The following MICU2 variants were observed in gnomAD, a reference collection of about 807,000 sequenced individuals.
MICU2 encodes calcium uptake protein 2, mitochondrial.
MICU2 carries 64 observed loss-of-function variants against 60.4 expected under a neutral mutation model. That is an observed-to-expected ratio of 1.06 (90% CI 0.87 to 1.31). MICU2 has a LOEUF of 1.31. Ranked by LOEUF, MICU2 falls within the 50% of genes most tolerant of loss-of-function variation. The pLI is 0.00. For missense variants in MICU2, 569 were observed against 531.0 expected (o/e 1.07, Z -0.70); for synonymous variants, 201 against 175.0 (o/e 1.15, Z -1.17).
intron 1 of MICU2, among the ~76,000 whole-genome samples, chr13:21,578,347 G>A (rs1204545729): frequency 6.6e-6 from 1 of 152,198 alleles, no homozygotes; most frequent in Non-Finnish European, 1.5e-5. Context: ...AGCACTTTGG[G>A]AGGCTGAGGC....
At chr13:21,572,333 C>T (rs1888130107) in intron 1 of MICU2, among the ~76,000 whole-genome samples, 1 of 152,270 alleles carries the variant, frequency 6.6e-6, no homozygotes, top group South Asian at 2.1e-4. Flanking sequence ...AGTATTTATA[C>T]ATTTCCTTAA....
intron 1 of MICU2, among the ~76,000 whole-genome samples, chr13:21,578,594 C>G (rs1017073419): frequency 6.7e-6 from 1 of 149,470 alleles, no homozygotes; most frequent in Non-Finnish European, 1.5e-5. Context: ...GAGACCACAT[C>G]TCAAAAAAAA....
At chr13:21,496,258 T>G in intron 9 of MICU2, 98 bp from the exon 10 acceptor site, 1 of 858,786 alleles carries the variant, frequency 1.2e-6, no homozygotes, top group South Asian at 1.7e-5. Flanking sequence ...GAGACTAGTA[T>G]CATTCTAAGA....
intron 8 of MICU2, among the ~76,000 whole-genome samples, chr13:21,505,595 C>A (rs988644864): frequency 6.6e-6 from 1 of 151,964 alleles, no homozygotes; most frequent in Admixed American, 6.6e-5. Context: ...AAAAAAAAAT[C>A]AGAAAAGAAG....
At chr13:21,583,693 A>C (rs1204712639) in intron 1 of MICU2, among the ~76,000 whole-genome samples, 1 of 152,236 alleles carries the variant, frequency 6.6e-6, no homozygotes, top group African/African-American at 2.4e-5. Context: ...CATCACCGAA[A>C]GAGCAGTTCC....
intron 2 of MICU2, among the ~76,000 whole-genome samples, chr13:21,546,722 T>C (rs1185480726): frequency 6.6e-6 from 1 of 152,154 alleles, no homozygotes; most frequent in Non-Finnish European, 1.5e-5. Flanking sequence ...GTTGGGTAAT[T>C]TGATAGAGTG....
chr13:21,535,185 C>A (rs1887103299), intron 4 of MICU2, among the ~76,000 whole-genome samples: 1 of 151,918 alleles, frequency 6.6e-6, no homozygotes, highest in African/African-American at 2.4e-5. Context: ...CTTGAAAACA[C>A]TTTTTAATAG....
At chr13:21,585,782 G>A (rs1038470902) in intron 1 of MICU2, among the ~76,000 whole-genome samples, 6 of 151,742 alleles carry the variant, frequency 4.0e-5, no homozygotes, top group African/African-American at 7.3e-5. Context: ...TAAACATAAC[G>A]GTCCACATTT....
At chr13:21,521,181 TA>T in intron 6 of MICU2, 63 bp downstream of exon 6, 1 of 1,267,706 alleles carries the variant, frequency 7.9e-7, no homozygotes, top group Non-Finnish European at 1.1e-6. Context: ...AATGGAAATG[TA>T]AAATTATCAC....
chr13:21,513,939 A>G (rs1338322923), intron 7 of MICU2, among the ~76,000 whole-genome samples: 3 of 152,110 alleles, frequency 2.0e-5, no homozygotes, highest in African/African-American at 7.2e-5. Flanking sequence ...AAAAGTACTA[A>G]TTGCCCAGGG....
At chr13:21,495,517 G>A (rs953506322) in intron 10 of MICU2, 199 bp from the exon 11 acceptor site, 3 of 517,022 alleles carry the variant, frequency 5.8e-6, no homozygotes, top group Non-Finnish European at 6.7e-6. Context: ...CAAGACAAAT[G>A]AGCTATTGTA....
chr13:21,603,896 G>T, intron 1 of MICU2, 43 bp downstream of exon 1: 1 of 1,600,276 alleles, frequency 6.2e-7, no homozygotes, highest in Non-Finnish European at 8.5e-7. Context: ...GTCAGGGGAG[G>T]GAGGAGCTTG....
intron 2 of MICU2, among the ~76,000 whole-genome samples, chr13:21,552,275 G>A (rs970575469): frequency 6.6e-5 from 10 of 151,938 alleles, no homozygotes; most frequent in African/African-American, 2.2e-4. Context: ...ACTTTTTGAT[G>A]GGGTTGTTTT....
Position 21,596,759 on chromosome 13 carries a change from T to C in MICU2, c.210+7180A>G, listed in dbSNP as rs543296727. 7.9e-5 allele frequency among the ~76,000 whole-genome samples: 12 copies of C among 152,192 alleles called. No individual in the cohort carries two copies. The East Asian group carries it at 2.3e-3, about 29-fold the overall frequency. ...GTTCTCATAGGGCTTACTCTCTACC[T>C]CAAACACATAGTATGTAAACCAAAG... is the stretch of plus-strand genomic sequence containing the variant. On this transcript the variant is annotated intron_variant, in intron 1 of 11. Coordinates refer to ENST00000382374, the MANE Select transcript of MICU2 (RefSeq NM_152726.3).
chr13:21,522,432 G>A (rs1217026207), intron 5 of MICU2, among the ~76,000 whole-genome samples, 171 bp downstream of exon 5: 3 of 152,226 alleles, frequency 2.0e-5, no homozygotes, highest in African/African-American at 7.2e-5. Context: ...ACAGGAGGCA[G>A]AAGTGACCCA....
intron 4 of MICU2, among the ~76,000 whole-genome samples, chr13:21,534,012 C>T (rs1293416155): frequency 2.0e-5 from 3 of 151,136 alleles, no homozygotes; most frequent in Non-Finnish European, 2.9e-5. Context: ...CACTTGAACC[C>T]GGGAGGTGGA....
At chr13:21,533,940 T>G (rs1416351240) in intron 4 of MICU2, among the ~76,000 whole-genome samples, 1 of 152,006 alleles carries the variant, frequency 6.6e-6, no homozygotes, top group Admixed American at 6.6e-5. Context: ...AGATAAAAAT[T>G]AGAGGATAAT....
chr13:21,501,112 C>A lies in MICU2; in HGVS notation c.933+1814G>T, dbSNP rs1012009431. Among the ~76,000 whole-genome samples, 5 of 151,998 alleles carry A rather than the reference C, an allele frequency of 3.3e-5. No homozygotes were observed. The East Asian group carries it at 9.7e-4, about 29-fold the overall frequency. On this transcript the variant is annotated intron_variant, in intron 9 of 11. Coordinates refer to ENST00000382374, the MANE Select transcript of MICU2 (RefSeq NM_152726.3). ...TGCCATTTATTAATAATTCTTTTAC[C>A]CAACTAATTTAAAATACTATTTCAT...
chr13:21,574,540 C>G (rs551645531), intron 1 of MICU2, among the ~76,000 whole-genome samples: 19 of 152,334 alleles, frequency 1.2e-4, no homozygotes, highest in African/African-American at 4.1e-4. Context: ...CTTCACCACT[C>G]TGTCTCTACT....
Sources: gnomAD v4.1 joint callset for allele counts (sites outside exome capture counted in the v4.1 genomes callset) on GRCh38, gnomAD v4.1.1 for gene constraint, MANE v1.5 for transcripts, NCBI Gene and HGNC (gene_info 2026-07-23, HGNC 2026-07-21) for gene names.